Variants in TRPM3 observed in about 807,000 individuals in gnomAD.
TRPM3 encodes long transient receptor potential channel 3.
A neutral mutation model predicts 181.2 loss-of-function variants in TRPM3; 77 were observed. The ratio of observed to expected loss-of-function variants is 0.42; its 90% CI spans 0.35 to 0.51. The LOEUF is 0.51. Ranked by LOEUF, TRPM3 falls within the 20% of genes least tolerant of loss-of-function variation. TRPM3 has a pLI of 0.01. For synonymous variants in TRPM3, 745 were observed against 796.4 expected (o/e 0.94, Z 1.09); for missense variants, 1,759 against 2,196.7 (o/e 0.80, Z 3.98).
intron 25 of TRPM3, among the ~76,000 whole-genome samples, chr9:70,538,872 C>T (rs2042502860): frequency 1.3e-5 from 2 of 152,202 alleles, no homozygotes; most frequent in South Asian, 4.1e-4. Context: ...ACAGAGGCCA[C>T]ATATTAAAAA....
At chr9:71,195,466 G>T (rs541489058) in intron 1 of TRPM3, among the ~76,000 whole-genome samples, 1 of 151,994 alleles carries the variant, frequency 6.6e-6, no homozygotes, top group Non-Finnish European at 1.5e-5. Context: ...AATAACAGGT[G>T]CCAGTGAGGT....
At position 70,844,976 on chromosome 9, in the gene TRPM3, C is replaced by T. The variant is rs1012383406; in HGVS notation, c.676+1402G>A. ...TGAACAGTCATTGAAAGAAAAATTG[C>T]TCTGTAGATATTTGATTACTACAGG... On this transcript the variant is annotated intron_variant, in intron 4 of 25. Transcript: ENST00000677713. Among the ~76,000 whole-genome samples, 4 of 152,128 alleles carry T rather than the reference C, an allele frequency of 2.6e-5. No homozygotes were observed. In the South Asian group the frequency reaches 6.2e-4, roughly 24 times the overall value.
At chr9:70,750,966 T>C (rs2076031538) in intron 8 of TRPM3, among the ~76,000 whole-genome samples, 1 of 142,272 alleles carries the variant, frequency 7.0e-6, no homozygotes, top group South Asian at 2.4e-4. Context: ...ACAGGAGATG[T>C]ATGATATTAC....
intron 1 of TRPM3, among the ~76,000 whole-genome samples, chr9:71,093,133 TAG>T (rs2066505068): frequency 6.6e-6 from 1 of 152,056 alleles, no homozygotes; most frequent in Non-Finnish European, 1.5e-5. Flanking sequence ...ATAAAAATCA[TAG>T]AAGAAAACCT....
At chr9:71,275,844 ACT>A (rs2084167188) in intron 1 of TRPM3, among the ~76,000 whole-genome samples, 2 of 118,332 alleles carry the variant, frequency 1.7e-5, no homozygotes, top group East Asian at 2.3e-4. Flanking sequence ...GAAAGAAGGA[ACT>A]TTTTTTTTTT....
At chr9:70,689,401 G>A (rs2067863764) in intron 8 of TRPM3, among the ~76,000 whole-genome samples, 1 of 151,956 alleles carries the variant, frequency 6.6e-6, no homozygotes, top group Non-Finnish European at 1.5e-5. Context: ...AAAGGCAATA[G>A]AAGGGCACAG....
chr9:71,159,854 A>C (rs1271551149), intron 1 of TRPM3, among the ~76,000 whole-genome samples: 1 of 152,172 alleles, frequency 6.6e-6, no homozygotes, highest in Non-Finnish European at 1.5e-5. Flanking sequence ...GAGTAGATGA[A>C]TCACCACAGC....
chr9:71,361,620 C>A (rs376170044), intron 1 of TRPM3, among the ~76,000 whole-genome samples: 2 of 152,166 alleles, frequency 1.3e-5, no homozygotes, highest in Admixed American at 1.3e-4. Context: ...TGTTCATATG[C>A]AAGCTCTCCT....
intron 1 of TRPM3, among the ~76,000 whole-genome samples, chr9:71,040,905 A>G (rs2058738681): frequency 6.6e-6 from 1 of 152,132 alleles, no homozygotes; most frequent in Non-Finnish European, 1.5e-5. Context: ...TAAAAGTGTC[A>G]AGGTCATGAA....
rs970185089 is a variant in TRPM3, at chr9:70,563,036, G to A, written c.3224-9726C>T. On this transcript the variant is annotated intron_variant, in intron 22 of 25. Coordinates refer to ENST00000677713, the MANE Select transcript of TRPM3 (RefSeq NM_001366145.2). Reference sequence around the variant, plus strand: ...GATTCTGAGTTTGGCCATGTGGTTTGCTTTGGTGAATGGAATGTTAGCAAA... The same window carrying A: ...GATTCTGAGTTTGGCCATGTGGTTTACTTTGGTGAATGGAATGTTAGCAAA... Among the ~76,000 whole-genome samples the A allele has an allele frequency of 2.6e-5, 4 of 152,184 alleles. No homozygotes were observed. In the East Asian group the frequency reaches 5.8e-4, roughly 22 times the overall value.
At chr9:71,014,236 C>A (rs1460117146) in intron 1 of TRPM3, among the ~76,000 whole-genome samples, 1 of 151,678 alleles carries the variant, frequency 6.6e-6, no homozygotes, top group Non-Finnish European at 1.5e-5. Context: ...TTTGTTATTT[C>A]TTGTTCTATG....
chr9:71,025,725 A>G (rs1419137112), intron 1 of TRPM3, among the ~76,000 whole-genome samples: 1 of 152,164 alleles, frequency 6.6e-6, no homozygotes, highest in Non-Finnish European at 1.5e-5. Context: ...CTTCTAAGAT[A>G]GTAGAGAGCA....
At chr9:71,228,469 A>C (rs1045873882) in intron 1 of TRPM3, among the ~76,000 whole-genome samples, 1 of 152,148 alleles carries the variant, frequency 6.6e-6, no homozygotes, top group East Asian at 1.9e-4. Flanking sequence ...TAGAAATCCT[A>C]CCTAGAGCAA....
intron 1 of TRPM3, among the ~76,000 whole-genome samples, chr9:71,261,946 G>A (rs2083084729): frequency 6.6e-6 from 1 of 152,196 alleles, no homozygotes; most frequent in Non-Finnish European, 1.5e-5. Flanking sequence ...GTTGACCCAT[G>A]TTGGGAGGCG....
intron 9 of TRPM3, among the ~76,000 whole-genome samples, chr9:70,667,852 T>C (rs531552463): frequency 6.6e-6 from 1 of 152,184 alleles, no homozygotes; most frequent in Non-Finnish European, 1.5e-5. Context: ...CACATCCCAT[T>C]GGTTGAAGCA....
intron 1 of TRPM3, among the ~76,000 whole-genome samples, chr9:70,894,603 T>C (rs1693395687): frequency 6.6e-6 from 1 of 152,052 alleles, no homozygotes; most frequent in South Asian, 2.1e-4. Flanking sequence ...GCATTGAACT[T>C]TAGGATAAAA....
At chr9:70,614,348 G>A (rs1317585874) in intron 18 of TRPM3, among the ~76,000 whole-genome samples, 1 of 151,556 alleles carries the variant, frequency 6.6e-6, no homozygotes, top group East Asian at 1.9e-4. Flanking sequence ...CAGGTGTTGT[G>A]GTGTGCACCT....
At chr9:70,767,910 T>C (rs2079462659) in intron 7 of TRPM3, among the ~76,000 whole-genome samples, 1 of 152,108 alleles carries the variant, frequency 6.6e-6, no homozygotes, top group African/African-American at 2.4e-5. Flanking sequence ...ACCTCAGAAG[T>C]CCTAGCATGT....
In TRPM3 at chr9:70,897,008, G is replaced by C. The variant is rs560308844; in HGVS notation, c.178-32497C>G. On this transcript the variant is annotated intron_variant, in intron 1 of 25. Transcript: ENST00000677713. The stretch of plus-strand genomic sequence containing the variant: ...ATTTATGGGGCACATGTGATATTTT[G>C]ATACATGTATATACTGTGCAATGAT... 4.0e-5 allele frequency among the ~76,000 whole-genome samples: 5 copies of C among 125,322 alleles called. No individual in the cohort carries two copies. In the East Asian group the frequency reaches 1.0e-3, roughly 26 times the overall value. 82.2% of individuals were successfully genotyped at this position (125,322 alleles called of 152,430 possible).
Sources: allele counts gnomAD v4.1 joint callset (sites outside exome capture counted in the v4.1 genomes callset), GRCh38; gene constraint gnomAD v4.1.1; transcripts MANE v1.5; gene names NCBI Gene and HGNC (gene_info 2026-07-23, HGNC 2026-07-21).